HCK: variants seen among roughly 807,000 people sequenced by gnomAD.
HCK encodes the protein HCK proto-oncogene, Src family tyrosine kinase, also known as tyrosine-protein kinase HCK.
In HCK, 40 loss-of-function variants were observed where a neutral mutation model predicts 70.4. That is an observed-to-expected ratio of 0.57 (90% CI 0.44 to 0.74). The LOEUF (loss-of-function observed/expected upper bound fraction) is 0.74. Ranked by LOEUF, HCK falls within the 30% of genes least tolerant of loss-of-function variation. HCK has a pLI of 0.00. For missense variants in HCK, 568 were observed against 697.2 expected (o/e 0.81, Z 2.09); for synonymous variants, 245 against 263.2 (o/e 0.93, Z 0.67).
intron 1 of HCK, among the ~76,000 whole-genome samples, chr20:32,066,118 A>G (rs1166116131): frequency 6.6e-6 from 1 of 152,050 alleles, no homozygotes; most frequent in Non-Finnish European, 1.5e-5. Context: ...GGCACTCTGC[A>G]GAGAGGCCCT....
At chr20:32,092,832 CTTA>C (rs1235883880) in intron 10 of HCK, among the ~76,000 whole-genome samples, 5 of 152,174 alleles carry the variant, frequency 3.3e-5, no homozygotes, top group Admixed American at 3.3e-4. Flanking sequence ...ATGCGACACA[CTTA>C]TTATTATCAT....
chr20:32,079,721 G>A (rs1486082929), intron 5 of HCK, 53 bp from the exon 6 acceptor site: 31 of 1,257,640 alleles, frequency 2.5e-5, no homozygotes, highest in Middle Eastern at 1.9e-4. Flanking sequence ...TGTGTAGGCC[G>A]GACAGGACTG....
rs761901150 is a variant in HCK, at chr20:32,084,058, A to G, written c.682+15A>G. 6.2e-7 allele frequency: 1 copy of G among 1,611,186 alleles called. No homozygotes were observed. Among genetic ancestry groups the G allele is most frequent in the Non-Finnish European group, 8.5e-7 (1 of 1,178,980 alleles). ...CCACTACAAGAGTGAGTCCCACCCCAGGGGTGACATCCCCACCACGATGGG... is the reference window on the plus strand; with the variant it reads ...CCACTACAAGAGTGAGTCCCACCCCGGGGGTGACATCCCCACCACGATGGG... On this transcript the variant is annotated intron_variant, in intron 7 of 12. Transcript: ENST00000375852.
intron 1 of HCK, among the ~76,000 whole-genome samples, chr20:32,059,297 C>CCT (rs1406061338): frequency 2.9e-3 from 77 of 26,150 alleles, no homozygotes; most frequent in African/African-American, 9.6e-3. Context: ...CCTTCCTTCC[C>CCT]TCCCTCCCTC....
intron 6 of HCK, among the ~76,000 whole-genome samples, chr20:32,080,400 T>C (rs2045693048): frequency 6.6e-6 from 1 of 152,136 alleles, no homozygotes; most frequent in Non-Finnish European, 1.5e-5. Context: ...GGTTTCACCA[T>C]GTTGGCCAGT....
chr20:32,054,887 G>GC (rs537048009), intron 1 of HCK, among the ~76,000 whole-genome samples: 56 of 152,186 alleles, frequency 3.7e-4, no homozygotes, highest in Non-Finnish European at 7.1e-4. Context: ...GAGCATATTT[G>GC]CCCCATCTTA....
At chr20:32,080,465 G>C (rs2045694362) in intron 6 of HCK, among the ~76,000 whole-genome samples, 1 of 152,030 alleles carries the variant, frequency 6.6e-6, no homozygotes, top group Admixed American at 6.6e-5. Context: ...CCAAAGTGCT[G>C]AGATTACAGG....
chr20:32,056,269 T>C (rs2045270181), intron 1 of HCK, among the ~76,000 whole-genome samples: 1 of 152,226 alleles, frequency 6.6e-6, no homozygotes, highest in South Asian at 2.1e-4. Flanking sequence ...ATCCCAGCAC[T>C]CTGGGAGGCT....
At position 32,088,592 on chromosome 20, in the gene HCK, G is replaced by T. The variant is rs1276931899; in HGVS notation, c.1040G>T (p.Ser347Ile). ...GGAAGCTTGCTGGACTTTCTGAAAA[G>T]TGATGAGGGCAGCAAGCAGCCATTG... is the stretch of plus-strand genomic sequence containing the variant. Residue 347 changes from serine to isoleucine, a missense_variant, in exon 10 of 13, where the codon AGT becomes ATT. Ser to Ile is a moderately radical substitution (Grantham distance 142). This residue lies in a region of HCK where 160 missense variants were observed against 237.5 expected (regional missense o/e 0.67). Transcript: ENST00000375852. The T allele has an allele frequency of 1.2e-6, 2 of 1,613,876 alleles. No individual in the cohort carries two copies. The highest frequency in any genetic ancestry group is 1.7e-6 in the Non-Finnish European group (2 of 1,179,976).
chr20:32,052,809 ATT>A (rs2045200027), intron 1 of HCK, among the ~76,000 whole-genome samples: 1 of 145,218 alleles, frequency 6.9e-6, no homozygotes, highest in African/African-American at 2.7e-5. Flanking sequence ...TTTTTTTTTA[ATT>A]TAAAAAAGAA....
At chr20:32,066,714 G>C (rs2045465085) in intron 1 of HCK, among the ~76,000 whole-genome samples, 1 of 152,138 alleles carries the variant, frequency 6.6e-6, no homozygotes, top group Non-Finnish European at 1.5e-5. Context: ...TGCTTCCTGG[G>C]ATCTTATGGT....
intron 11 of HCK, among the ~76,000 whole-genome samples, chr20:32,097,304 G>A (rs1232588841): frequency 6.6e-6 from 1 of 152,064 alleles, no homozygotes; most frequent in East Asian, 1.9e-4. Context: ...ATAGGGCCGG[G>A]CACGTTGGCT....
Position 32,058,924 on chromosome 20 carries a change from C to T in HCK, c.62+6438C>T, listed in dbSNP as rs142614864. Reference sequence around the variant, plus strand: ...CCGGGGTATTTGTCCACCCTGTTCTCGCTCCTGTCTTTTGTTGAAAACTAC... The same window carrying T: ...CCGGGGTATTTGTCCACCCTGTTCTTGCTCCTGTCTTTTGTTGAAAACTAC... On this transcript the variant is annotated intron_variant, in intron 1 of 12. Coordinates refer to ENST00000375852, the MANE Select transcript of HCK (RefSeq NM_002110.5). 1.9e-4 allele frequency among the ~76,000 whole-genome samples: 29 copies of T among 152,278 alleles called. No individual in the cohort carries two copies. In the East Asian group the frequency reaches 2.9e-3, roughly 15 times the overall value.
intron 11 of HCK, among the ~76,000 whole-genome samples, chr20:32,097,781 A>G (rs2045976846): frequency 6.6e-6 from 1 of 152,106 alleles, no homozygotes; most frequent in South Asian, 2.1e-4. Context: ...AAACTTGACC[A>G]TGTACTCAGT....
At chr20:32,071,908 CCAA>C in intron 2 of HCK, 126 bp downstream of exon 2, 1 of 1,158,782 alleles carries the variant, frequency 8.6e-7, no homozygotes, top group Non-Finnish European at 1.2e-6. Flanking sequence ...TGACTGGCCA[CCAA>C]CAGTGTCCTG....
At chr20:32,067,488 C>T (rs955133813) in intron 1 of HCK, among the ~76,000 whole-genome samples, 1 of 149,534 alleles carries the variant, frequency 6.7e-6, no homozygotes, top group African/African-American at 2.5e-5. Flanking sequence ...CCAGTCTCCC[C>T]TTCTCAACTC....
intron 11 of HCK, 79 bp downstream of exon 11, chr20:32,094,095 A>T: frequency 7.2e-7 from 1 of 1,384,600 alleles, no homozygotes; most frequent in South Asian, 1.3e-5. Context: ...TGTGAGAGCG[A>T]TTGGTAAAAT....
Position 32,073,309 on chromosome 20 carries a change from T to C in HCK, c.184-10T>C, listed in dbSNP as rs1185965668. ...CAGATTCATTCTCTTCTCTCATTTC[T>C]TCCCCACAGGGGCCTAATAGCCACA... On this transcript the variant is annotated splice_polypyrimidine_tract_variant and intron_variant, in intron 2 of 12. Coordinates refer to ENST00000375852, the MANE Select transcript of HCK (RefSeq NM_002110.5). The C allele has an allele frequency of 6.2e-7, 1 of 1,610,858 alleles. No homozygotes were observed. The highest frequency in any genetic ancestry group is 1.1e-5 in the South Asian group (1 of 90,696).
intron 5 of HCK, among the ~76,000 whole-genome samples, chr20:32,078,236 G>A (rs1211325631): frequency 4.1e-5 from 6 of 146,160 alleles, no homozygotes; most frequent in Non-Finnish European, 6.0e-5. Context: ...TAGTCGAGAC[G>A]GGGTTTCACC....
Sources: gnomAD v4.1 joint callset for allele counts (sites outside exome capture counted in the v4.1 genomes callset) on GRCh38, gnomAD v4.1.1 for gene constraint, gnomAD v4.1.1 regional missense constraint, MANE v1.5 for transcripts, NCBI Gene and HGNC (gene_info 2026-07-23, HGNC 2026-07-21) for gene names.